Variants in QTGAL observed in about 807,000 individuals in gnomAD.
The protein encoded by QTGAL is queuosine-tRNA galactosyltransferase.
chr17:82,947,723 C>T, the QTGAL span: 8,101 of 152,514 alleles, frequency 0.053, 489 homozygotes, highest in African/African-American at 0.15. Context: ...CAGGAGGAAT[C>T]GGAGCTTGGC....
chr17:82,957,075 G>T, the QTGAL span: 2 of 1,477,654 alleles, frequency 1.4e-6, no homozygotes, highest in Non-Finnish European at 1.9e-6. Flanking sequence ...CGAGGAGCCA[G>T]CACGGCCCAG....
the QTGAL span, chr17:82,946,943 A>G: frequency 1.7e-5 from 27 of 1,570,242 alleles, no homozygotes; most frequent in Non-Finnish European, 2.3e-5. Flanking sequence ...CTGCAAGTGC[A>G]GTGACCTCAG....
At chr17:83,015,740 A>G in the QTGAL span, among the ~76,000 whole-genome samples, 1 of 152,148 alleles carries the variant, frequency 6.6e-6, no homozygotes, top group Non-Finnish European at 1.5e-5. The surrounding 1 kb of genome is among the most constrained non-coding windows in gnomAD (Gnocchi z 4.4). Context: ...GCTGCATTAG[A>G]CCCTCACAGG....
the QTGAL span, among the ~76,000 whole-genome samples, chr17:83,031,912 T>C: frequency 3.3e-5 from 5 of 152,252 alleles, no homozygotes; most frequent in Admixed American, 6.5e-5. Flanking sequence ...CCTTCGAGGA[T>C]GTTCACTCTC....
At chr17:83,029,439 T>G in the QTGAL span, among the ~76,000 whole-genome samples, 1 of 152,122 alleles carries the variant, frequency 6.6e-6, no homozygotes, top group Non-Finnish European at 1.5e-5. Context: ...AGCGCGGAAT[T>G]TGGGCTGACG....
chr17:82,995,158 T>C, the QTGAL span, among the ~76,000 whole-genome samples: 1 of 152,314 alleles, frequency 6.6e-6, no homozygotes, highest in South Asian at 2.1e-4. Flanking sequence ...TCACCACTGT[T>C]ATTCAACATT....
the QTGAL span, among the ~76,000 whole-genome samples, chr17:83,036,644 G>C: frequency 6.6e-6 from 1 of 152,206 alleles, no homozygotes; most frequent in African/African-American, 2.4e-5. Flanking sequence ...AAGGGTCCCT[G>C]TTAGGGAGCT....
chr17:82,958,075 C>T, the QTGAL span, among the ~76,000 whole-genome samples: 4 of 152,074 alleles, frequency 2.6e-5, no homozygotes, highest in African/African-American at 9.7e-5. Flanking sequence ...CAGCCCCGCC[C>T]TCTCTCCTCC....
the QTGAL span, chr17:82,945,846 A>G: frequency 1.3e-5 from 2 of 152,386 alleles, no homozygotes; most frequent in African/African-American, 2.4e-5. Flanking sequence ...CAGGAGGGAA[A>G]TGATCGCAGT....
the QTGAL span, among the ~76,000 whole-genome samples, chr17:82,967,032 G>A: frequency 2.0e-5 from 3 of 152,210 alleles, no homozygotes; most frequent in African/African-American, 2.4e-5. Context: ...TTCCTCAGAC[G>A]TAAATTAGTC....
the QTGAL span, among the ~76,000 whole-genome samples, chr17:83,010,711 G>C: frequency 1.3e-5 from 2 of 152,248 alleles, no homozygotes; most frequent in Admixed American, 1.3e-4. Flanking sequence ...TCTTGTGGGG[G>C]CAGAAGTGGA....
At chr17:82,960,149 A>C in the QTGAL span, among the ~76,000 whole-genome samples, 1 of 152,156 alleles carries the variant, frequency 6.6e-6, no homozygotes, top group Non-Finnish European at 1.5e-5. Flanking sequence ...CCCAGCATGC[A>C]GGAGTGAGGA....
the QTGAL span, among the ~76,000 whole-genome samples, chr17:82,959,225 A>G: frequency 6.6e-6 from 1 of 151,634 alleles, no homozygotes; most frequent in African/African-American, 2.4e-5. Context: ...GCCTGTATGT[A>G]CTGTGTGGAT....
At chr17:83,032,740 G>A in the QTGAL span, among the ~76,000 whole-genome samples, 2 of 152,208 alleles carry the variant, frequency 1.3e-5, no homozygotes, top group African/African-American at 4.8e-5. Flanking sequence ...TAAGAAAACG[G>A]GAGAAATCTG....
chr17:83,016,765 A>G, the QTGAL span, among the ~76,000 whole-genome samples: 285 of 148,174 alleles, frequency 1.9e-3, no homozygotes, highest in African/African-American at 6.8e-3. Flanking sequence ...GAGAAGGGAG[A>G]TGGAAGGAGG....
At chr17:83,004,854 T>A in the QTGAL span, among the ~76,000 whole-genome samples, 1 of 151,750 alleles carries the variant, frequency 6.6e-6, no homozygotes, top group Admixed American at 6.6e-5. Flanking sequence ...CCTCCGCGTG[T>A]AAGTGGACCT....
At chr17:83,045,271 A>C in the QTGAL span, among the ~76,000 whole-genome samples, 1 of 152,248 alleles carries the variant, frequency 6.6e-6, no homozygotes, top group Non-Finnish European at 1.5e-5. Context: ...GGAGTCCAGG[A>C]ATGAATCCAT....
chr17:83,044,074 T>G, the QTGAL span, among the ~76,000 whole-genome samples: 18,888 of 152,110 alleles, frequency 0.12, 1,323 homozygotes, highest in African/African-American at 0.19. Flanking sequence ...CTCAGAGAAT[T>G]ACTAACACCA....
At chr17:82,956,723 C>A in the QTGAL span, 1 of 1,589,128 alleles carries the variant, frequency 6.3e-7, no homozygotes, top group South Asian at 1.1e-5. The surrounding 1 kb of genome is among the most constrained non-coding windows in gnomAD (Gnocchi z 5.7). Flanking sequence ...GAAGGGTGGC[C>A]GGGCGGCTCG....
Sources: gnomAD v4.1 joint callset for allele counts (sites outside exome capture counted in the v4.1 genomes callset) on GRCh38, gnomAD v4.1.1 for gene constraint, Gnocchi (gnomAD v3.1) non-coding constraint, MANE v1.5 for transcripts, NCBI Gene and HGNC (gene_info 2026-07-23, HGNC 2026-07-21) for gene names.